The following CFAP97 variants were observed in gnomAD, a reference collection of about 807,000 sequenced individuals.
CFAP97 encodes the protein cilia and flagella associated protein 97.
CFAP97 carries 36 observed loss-of-function variants against 43.1 expected under a neutral mutation model. The observed-to-expected ratio is 0.84, with a 90% CI of 0.64 to 1.10. The LOEUF (loss-of-function observed/expected upper bound fraction) is 1.10, where lower values mean the gene tolerates loss of function less well. Among genes scored for constraint, CFAP97 ranks in the 50% least tolerant of loss-of-function variants. The pLI, the probability that CFAP97 is intolerant of heterozygous loss-of-function variation, is 0.00. For synonymous variants in CFAP97, 228 were observed against 225.7 expected (o/e 1.01, Z -0.09); for missense variants, 657 against 620.3 (o/e 1.06, Z -0.63).
chr4:185,170,044 G>A, intron 3 of CFAP97: 1 of 1,178,100 alleles, frequency 8.5e-7, no homozygotes, highest in Non-Finnish European at 1.0e-6. Context: ...TTCCACATAA[G>A]AGTTCTGAAG....
At position 185,176,028 on chromosome 4, in the gene CFAP97, C is replaced by CT. The variant is rs745592538; in HGVS notation, c.1077dup (p.Gly360ArgfsTer8). 84 of 1,589,110 alleles carry CT rather than the reference C, an allele frequency of 5.3e-5. No individual in the cohort carries two copies. The highest frequency in any genetic ancestry group is 3.9e-4 in the South Asian group (34 of 86,346). ...TGATCAAAGTGATGTTTTTGTGGTC[C>CT]TTTTTTATCTAATTGCAGAAAAGCT... On this transcript the variant is annotated frameshift_variant, in exon 3 of 5. Coordinates refer to ENST00000458385, the MANE Select transcript of CFAP97 (RefSeq NM_020827.3). LOFTEE classifies it high-confidence loss of function.
intron 2 of CFAP97, among the ~76,000 whole-genome samples, chr4:185,186,842 C>T (rs1433281057): frequency 6.6e-6 from 1 of 152,078 alleles, no homozygotes; most frequent in East Asian, 1.9e-4. Flanking sequence ...TCTTCAGAAT[C>T]CTCAATAACT....
At chr4:185,190,094 C>T (rs1736163918) in intron 2 of CFAP97, 49 bp downstream of exon 2, 4 of 1,364,288 alleles carry the variant, frequency 2.9e-6, no homozygotes, top group African/African-American at 1.5e-5. Flanking sequence ...ATATTTATGC[C>T]CAATATATAA....
rs571098738 is a variant in CFAP97, at chr4:185,179,173, G to C, written c.1055-3122C>G. Among the ~76,000 whole-genome samples the C allele has an allele frequency of 1.1e-4, 17 of 152,098 alleles. No individual in the cohort carries two copies. The South Asian group carries it at 3.3e-3, about 30-fold the overall frequency. On this transcript the variant is annotated intron_variant, in intron 2 of 4. Coordinates refer to ENST00000458385, the MANE Select transcript of CFAP97 (RefSeq NM_020827.3). ...AGAAACCAACACCTGAGGAATCTCAGCTGCAGCTGGACCCGACTGACATCC... is the reference window on the plus strand; with the variant it reads ...AGAAACCAACACCTGAGGAATCTCACCTGCAGCTGGACCCGACTGACATCC...
intron 3 of CFAP97, among the ~76,000 whole-genome samples, chr4:185,172,507 C>G (rs1461416894): frequency 6.6e-6 from 1 of 152,140 alleles, no homozygotes; most frequent in East Asian, 1.9e-4. Flanking sequence ...AGTTCTGGAA[C>G]AGAAATGCTT....
intron 3 of CFAP97, chr4:185,170,284 T>C: frequency 1.5e-6 from 1 of 657,552 alleles, no homozygotes; most frequent in South Asian, 1.7e-5. Flanking sequence ...AGATGGAGGC[T>C]GCAAGGAGCC....
intron 1 of CFAP97, among the ~76,000 whole-genome samples, chr4:185,199,839 T>C (rs1053324108): frequency 6.9e-6 from 1 of 145,796 alleles, no homozygotes; most frequent in South Asian, 2.2e-4. Context: ...AGACAAAAAA[T>C]TCAAAATATT....
At chr4:185,164,667 A>ATTTT (rs1735001596) in intron 3 of CFAP97, among the ~76,000 whole-genome samples, 1 of 152,204 alleles carries the variant, frequency 6.6e-6, no homozygotes, top group South Asian at 2.1e-4. Context: ...AGGCTGCTAA[A>ATTTT]AGCCTAAAAC....
intron 2 of CFAP97, among the ~76,000 whole-genome samples, chr4:185,186,901 T>A (rs1303937785): frequency 6.6e-6 from 1 of 152,224 alleles, no homozygotes; most frequent in Admixed American, 6.5e-5. Context: ...AAAATCGTTG[T>A]GTTAGAGCAC....
intron 3 of CFAP97, among the ~76,000 whole-genome samples, chr4:185,172,953 C>T (rs1467572383): frequency 1.3e-5 from 2 of 151,322 alleles, no homozygotes; most frequent in Non-Finnish European, 2.9e-5. Context: ...TAAGACCATA[C>T]TTCTGGTCAG....
At chr4:185,183,144 G>A (rs1735869028) in intron 2 of CFAP97, among the ~76,000 whole-genome samples, 1 of 152,060 alleles carries the variant, frequency 6.6e-6, no homozygotes, top group Admixed American at 6.6e-5. Flanking sequence ...TGTTGATGTG[G>A]TTGGCTATAC....
intron 1 of CFAP97, among the ~76,000 whole-genome samples, chr4:185,195,004 G>C (rs1009160164): frequency 3.3e-5 from 5 of 152,116 alleles, no homozygotes; most frequent in Admixed American, 2.6e-4. Flanking sequence ...CCAGTTGTGC[G>C]ATCCTGGGCA....
intron 4 of CFAP97, among the ~76,000 whole-genome samples, chr4:185,163,715 G>C (rs1734958828): frequency 6.6e-6 from 1 of 152,124 alleles, no homozygotes; most frequent in African/African-American, 2.4e-5. Context: ...GAATGTTTTA[G>C]CAGCTTTTAA....
chr4:185,191,177 A>G lies in CFAP97; in HGVS notation c.20T>C (p.Ile7Thr), dbSNP rs554893765. 9 of 1,582,272 alleles carry G rather than the reference A, an allele frequency of 5.7e-6. No individual in the cohort carries two copies. The highest frequency in any genetic ancestry group is 2.7e-5 in the African/African-American group (2 of 73,652). ...AGAATGGTCCACTTCACCTTCTAAT[A>G]TATCTCCAAACTGATCCATGATGGC... The part of the protein sequence containing the change: MDQFGD[I>T]LEGEVDHSFF... Residue 7 changes from isoleucine to threonine, a missense_variant, in exon 2 of 5, where the codon ATA becomes ACA. Physicochemically the swap from Ile to Thr is moderately conservative, Grantham distance 89 (BLOSUM62 -1). Transcript: ENST00000458385.
intron 3 of CFAP97, among the ~76,000 whole-genome samples, chr4:185,167,327 G>T (rs549430373): frequency 6.6e-6 from 1 of 152,046 alleles, no homozygotes; most frequent in Non-Finnish European, 1.5e-5. Flanking sequence ...AATTAGCCGG[G>T]CGTGGTTGCA....
intron 1 of CFAP97, among the ~76,000 whole-genome samples, chr4:185,203,097 G>T (rs879460637): frequency 6.6e-6 from 1 of 151,886 alleles, no homozygotes; most frequent in Non-Finnish European, 1.5e-5. Context: ...GACTTTGGGA[G>T]GCCAAGACAG....
At chr4:185,192,732 T>G (rs1736326272) in intron 1 of CFAP97, among the ~76,000 whole-genome samples, 2 of 113,940 alleles carry the variant, frequency 1.8e-5, no homozygotes, top group South Asian at 6.1e-4. Flanking sequence ...GAATTGACCT[T>G]CTTTTTTTTT....
intron 2 of CFAP97, among the ~76,000 whole-genome samples, chr4:185,180,718 A>G (rs1439911598): frequency 6.6e-6 from 1 of 152,008 alleles, no homozygotes; most frequent in African/African-American, 2.4e-5. Flanking sequence ...CTTTAACTGA[A>G]GTTTTGTTAC....
intron 2 of CFAP97, among the ~76,000 whole-genome samples, 163 bp downstream of exon 2, chr4:185,189,980 A>T (rs905504658): frequency 6.6e-6 from 1 of 152,246 alleles, no homozygotes; most frequent in Admixed American, 6.5e-5. Flanking sequence ...GATATTCTAG[A>T]TATTTTTATG....
Sources: allele counts gnomAD v4.1 joint callset (sites outside exome capture counted in the v4.1 genomes callset), GRCh38; gene constraint gnomAD v4.1.1; transcripts MANE v1.5; gene names NCBI Gene and HGNC (gene_info 2026-07-23, HGNC 2026-07-21).